Variants in KCNN2 observed in about 807,000 individuals in gnomAD.
KCNN2 encodes the protein small conductance calcium-activated potassium channel protein 2.
KCNN2 carries 24 observed loss-of-function variants against 55.5 expected under a neutral mutation model. The observed-to-expected ratio is 0.43, with a 90% CI of 0.31 to 0.61. The LOEUF is 0.61. KCNN2 is among the 20% of genes least tolerant of loss of function. KCNN2 has a pLI of 0.08. For missense variants in KCNN2, 754 were observed against 853.6 expected (o/e 0.88, Z 1.45); for synonymous variants, 431 against 336.1 (o/e 1.28, Z -3.09).
intron 4 of KCNN2, 80 bp from the exon 5 acceptor site, chr5:114,472,974 G>A (rs1761819055): frequency 2.6e-6 from 2 of 755,288 alleles, no homozygotes; most frequent in South Asian, 2.2e-5. Context: ...TTTTGCATTT[G>A]ATGCAAAACA....
chr5:114,166,907 G>C (rs1157761961), intron 1 of KCNN2, among the ~76,000 whole-genome samples: 1 of 152,024 alleles, frequency 6.6e-6, no homozygotes, highest in African/African-American at 2.4e-5. Flanking sequence ...CACTATTTGA[G>C]GATACAAATA....
At chr5:114,477,625 T>TATC (rs1762028480) in intron 5 of KCNN2, among the ~76,000 whole-genome samples, 1 of 152,188 alleles carries the variant, frequency 6.6e-6, no homozygotes, top group Non-Finnish European at 1.5e-5. Flanking sequence ...ATTTACAGTT[T>TATC]ATCACCTTAC....
At chr5:114,225,714 AG>A (rs1308457656) in intron 2 of KCNN2, among the ~76,000 whole-genome samples, 2 of 152,204 alleles carry the variant, frequency 1.3e-5, no homozygotes, top group African/African-American at 4.8e-5. Context: ...AATTTTTATA[AG>A]ACTTACCAAA....
intron 1 of KCNN2, among the ~76,000 whole-genome samples, chr5:114,139,470 AC>A (rs1262458019): frequency 1.0e-5 from 1 of 99,234 alleles, no homozygotes; most frequent in Non-Finnish European, 2.5e-5. Context: ...CCCCCCCCAC[AC>A]ACACACACCA....
intron 1 of KCNN2, among the ~76,000 whole-genome samples, chr5:114,185,652 C>G (rs766566359): frequency 1.3e-5 from 2 of 152,140 alleles, no homozygotes; most frequent in Non-Finnish European, 2.9e-5. Context: ...TTTCCATGGC[C>G]GTGGGACAGA....
chr5:114,085,526 TA>T (rs1392005575), intron 1 of KCNN2, among the ~76,000 whole-genome samples: 5 of 152,026 alleles, frequency 3.3e-5, no homozygotes, highest in South Asian at 2.1e-4. Context: ...TTCACTTTTG[TA>T]TATAACCTTA....
intron 1 of KCNN2, among the ~76,000 whole-genome samples, chr5:114,106,756 G>A (rs1751493346): frequency 7.0e-6 from 1 of 143,820 alleles, no homozygotes; most frequent in African/African-American, 2.6e-5. Context: ...TTATTAATTT[G>A]CATAATAACT....
chr5:114,364,040 C>T, intron 2 of KCNN2, 39 bp downstream of exon 2: 1 of 1,461,720 alleles, frequency 6.8e-7, no homozygotes, highest in Non-Finnish European at 9.6e-7. Context: ...ACCCAAAGCC[C>T]TACAGTCAGC....
intron 2 of KCNN2, among the ~76,000 whole-genome samples, chr5:114,270,546 T>G (rs1755306234): frequency 6.6e-6 from 1 of 152,194 alleles, no homozygotes; most frequent in Non-Finnish European, 1.5e-5. Flanking sequence ...CCACTACTAC[T>G]AAAAATGTTG....
chr5:114,262,390 C>G (rs1755125961), intron 2 of KCNN2, among the ~76,000 whole-genome samples: 1 of 152,166 alleles, frequency 6.6e-6, no homozygotes, highest in Admixed American at 6.5e-5. Flanking sequence ...AAGCAAATCG[C>G]AGTTAAAACA....
intron 1 of KCNN2, among the ~76,000 whole-genome samples, chr5:114,201,440 C>A (rs1190319365): frequency 6.6e-6 from 1 of 152,000 alleles, no homozygotes; most frequent in Admixed American, 6.6e-5. Context: ...ATGGGTGAGG[C>A]CCATCTCAGG....
chr5:114,280,399 G>A (rs984149969), intron 2 of KCNN2, among the ~76,000 whole-genome samples: 8 of 152,130 alleles, frequency 5.3e-5, no homozygotes, highest in Non-Finnish European at 1.2e-4. Flanking sequence ...GAATGGTATT[G>A]CCTAGGTTTT....
chr5:114,238,699 C>T (rs1004760166), intron 2 of KCNN2, among the ~76,000 whole-genome samples: 1 of 151,846 alleles, frequency 6.6e-6, no homozygotes, highest in Non-Finnish European at 1.5e-5. Flanking sequence ...TTATTGGATT[C>T]CACCATAGGG....
intron 2 of KCNN2, among the ~76,000 whole-genome samples, chr5:114,294,041 C>G (rs1407882924): frequency 6.6e-6 from 1 of 151,782 alleles, no homozygotes; most frequent in Non-Finnish European, 1.5e-5. Context: ...TGGTGATATC[C>G]CCTTTATCAT....
intron 5 of KCNN2, among the ~76,000 whole-genome samples, chr5:114,481,990 G>T (rs1277310011): frequency 6.6e-6 from 1 of 152,048 alleles, no homozygotes; most frequent in Non-Finnish European, 1.5e-5. Flanking sequence ...TTTTATGACA[G>T]AAATGCCAAA....
chr5:114,324,739 C>A (rs1206666617), intron 2 of KCNN2, among the ~76,000 whole-genome samples: 1 of 152,162 alleles, frequency 6.6e-6, no homozygotes, highest in Non-Finnish European at 1.5e-5. Context: ...TATAACAAAT[C>A]CTTGAAATGT....
In KCNN2 at chr5:114,063,514, C is replaced by T. The variant is rs9688193; in HGVS notation, c.-271+7014C>T. Among the ~76,000 whole-genome samples, 1,291 of 152,288 alleles carry T rather than the reference C, an allele frequency of 8.5e-3. 16 individuals are homozygous for T. The highest frequency in any genetic ancestry group is 0.029 in the African/African-American group (1,206 of 41,554). On this transcript the variant is annotated intron_variant, in intron 1 of 10. Transcript: ENST00000512097. ...AGAGAACCACCCCCCCTCCAAATTT[C>T]CATTTCTAACAAAGGCTCCCAGGTG...
At chr5:114,102,121 C>T (rs1234178174) in intron 1 of KCNN2, among the ~76,000 whole-genome samples, 1 of 152,094 alleles carries the variant, frequency 6.6e-6, no homozygotes, top group African/African-American at 2.4e-5. Flanking sequence ...TAATAATTGC[C>T]ATTGTAACTG....
intron 1 of KCNN2, among the ~76,000 whole-genome samples, chr5:114,215,628 C>G (rs1753985780): frequency 6.6e-6 from 1 of 152,132 alleles, no homozygotes; most frequent in Admixed American, 6.6e-5. Flanking sequence ...CCTTGAGCCA[C>G]TCTCTGCACA....
Sources: gnomAD v4.1 joint callset for allele counts (sites outside exome capture counted in the v4.1 genomes callset) on GRCh38, gnomAD v4.1.1 for gene constraint, MANE v1.5 for transcripts, NCBI Gene and HGNC (gene_info 2026-07-23, HGNC 2026-07-21) for gene names.